The following COL22A1 variants were observed in gnomAD, a reference collection of about 807,000 sequenced individuals.
COL22A1 encodes the protein collagen alpha-1(XXII) chain.
A neutral mutation model predicts 248.9 loss-of-function variants in COL22A1; 221 were observed. The observed-to-expected ratio is 0.89, with a 90% CI of 0.80 to 0.99. The LOEUF (loss-of-function observed/expected upper bound fraction) is 0.99, where lower values mean the gene tolerates loss of function less well. Among genes scored for constraint, COL22A1 ranks in the 50% least tolerant of loss-of-function variants. The probability of loss-of-function intolerance (pLI) is 0.00; values close to 1 mark genes in which losing one functional copy is unlikely to be tolerated. For missense variants in COL22A1, 2,240 were observed against 2,179.0 expected, an observed-to-expected ratio of 1.03 and a Z score of -0.56; for synonymous variants, 891 against 793.4, an observed-to-expected ratio of 1.12 and a Z score of -2.07.
At chr8:138,623,845 G>C in intron 51 of COL22A1, 60 bp from the exon 52 acceptor site, 1 of 1,495,870 alleles carries the variant, frequency 6.7e-7, no homozygotes, top group South Asian at 1.2e-5. Flanking sequence ...ATGGAAAGAC[G>C]AAGGCAGTTT....
intron 1 of COL22A1, among the ~76,000 whole-genome samples, chr8:138,907,358 T>C (rs777261204): frequency 1.2e-4 from 18 of 152,224 alleles, no homozygotes; most frequent in Non-Finnish European, 1.9e-4. Flanking sequence ...TTTTAAATAG[T>C]GTGAGCATTT....
At chr8:138,617,021 G>GGAGGTATGCCTGCC in intron 53 of COL22A1, 63 bp from the exon 54 acceptor site, 2 of 1,577,616 alleles carry the variant, frequency 1.3e-6, no homozygotes, top group Non-Finnish European at 1.7e-6. Context: ...AAGTGGGCAG[G>GGAGGTATGCCTGCC]CATACCTCCC....
At chr8:138,641,195 G>T (rs536670862) in intron 47 of COL22A1, among the ~76,000 whole-genome samples, 2 of 152,320 alleles carry the variant, frequency 1.3e-5, no homozygotes, top group African/African-American at 2.4e-5. Flanking sequence ...GTGGCTCTGG[G>T]TTATTTTCTA....
intron 41 of COL22A1, among the ~76,000 whole-genome samples, chr8:138,664,575 C>T (rs1388084866): frequency 6.6e-6 from 1 of 152,030 alleles, no homozygotes; most frequent in African/African-American, 2.4e-5. Context: ...TGGATAGTCC[C>T]CGCCCCTGTA....
At chr8:138,847,270 A>C (rs143760576) in intron 3 of COL22A1, among the ~76,000 whole-genome samples, 5 of 152,338 alleles carry the variant, frequency 3.3e-5, no homozygotes, top group African/African-American at 1.2e-4. Context: ...GCTGAGAAGT[A>C]AACACTGACT....
chr8:138,875,348 T>C (rs1380930436), intron 3 of COL22A1, among the ~76,000 whole-genome samples: 3 of 152,130 alleles, frequency 2.0e-5, no homozygotes, highest in African/African-American at 4.8e-5. Context: ...TCTGGGGTTG[T>C]CTTTGCCATT....
intron 5 of COL22A1, chr8:138,828,177 T>C (rs187106462): frequency 6.6e-6 from 1 of 152,108 alleles, no homozygotes; most frequent in East Asian, 1.9e-4. Flanking sequence ...CTTTGAAAAC[T>C]GTCAACAGCC....
intron 53 of COL22A1, among the ~76,000 whole-genome samples, chr8:138,619,124 A>G (rs191976992): frequency 1.3e-5 from 2 of 152,306 alleles, no homozygotes; most frequent in Admixed American, 1.3e-4. Context: ...GGGAAAAAAA[A>G]CCTTAGCTAT....
At chr8:138,902,797 G>T (rs962966861) in intron 1 of COL22A1, among the ~76,000 whole-genome samples, 4 of 143,742 alleles carry the variant, frequency 2.8e-5, no homozygotes, top group African/African-American at 1.1e-4. Flanking sequence ...AGAACTGACT[G>T]GGCTGGTCTC....
intron 57 of COL22A1, 92 bp downstream of exon 57, chr8:138,607,844 T>G (rs1818546571): frequency 6.2e-6 from 8 of 1,281,424 alleles, no homozygotes; most frequent in Non-Finnish European, 8.9e-6. Context: ...CCGATGCTTC[T>G]AGGGACAGAG....
At chr8:138,596,870 C>G in intron 62 of COL22A1, 34 bp downstream of exon 62, 1 of 1,600,320 alleles carries the variant, frequency 6.2e-7, no homozygotes, top group African/African-American at 1.3e-5. Context: ...CTGGGCTCTT[C>G]TCTGCAAGAC....
intron 3 of COL22A1, among the ~76,000 whole-genome samples, chr8:138,870,680 T>A (rs1335498057): frequency 6.6e-6 from 1 of 151,902 alleles, no homozygotes; most frequent in African/African-American, 2.4e-5. Flanking sequence ...TGTATTTGCA[T>A]GTGGTGTGTG....
At chr8:138,606,603 A>T (rs558245746) in intron 57 of COL22A1, 151 bp from the exon 58 acceptor site, 549 of 745,762 alleles carry the variant, frequency 7.4e-4, no homozygotes, top group Non-Finnish European at 1.0e-3. Context: ...GGTTAGGAAA[A>T]GACACGGGGT....
chr8:138,847,461 A>G (rs1821326699), intron 3 of COL22A1, among the ~76,000 whole-genome samples: 1 of 152,182 alleles, frequency 6.6e-6, no homozygotes, highest in African/African-American at 2.4e-5. Flanking sequence ...AGAAAGACAG[A>G]GTTTTCAGCC....
In COL22A1 at chr8:138,685,263, T is replaced by C. The variant is rs1466561035; in HGVS notation, c.2912A>G (p.Asp971Gly). ...CCCAGGGAGCCCAGGAGCACCAGGATCTCCCCTGGGACCAACTGGCCCTGG... is the reference window on the plus strand; with the variant it reads ...CCCAGGGAGCCCAGGAGCACCAGGACCTCCCCTGGGACCAACTGGCCCTGG... ...GSPGPVGPRGDPGAPGLPGPP... is the reference protein window; with the variant it reads ...GSPGPVGPRGGPGAPGLPGPP... Residue 971 changes from aspartate to glycine, a missense_variant, in exon 38 of 65, where the codon GAT (aspartate) becomes GGT (glycine). Transcript: ENST00000303045. 3.7e-6 allele frequency: 6 copies of C among 1,613,836 alleles called. No individual in the cohort carries two copies. Among genetic ancestry groups the C allele is most frequent in the South Asian group, 1.1e-5 (1 of 91,038 alleles).
At chr8:138,602,655 G>C (rs1043990433) in intron 59 of COL22A1, among the ~76,000 whole-genome samples, 5 of 152,048 alleles carry the variant, frequency 3.3e-5, no homozygotes, top group African/African-American at 1.2e-4. Flanking sequence ...GAAGCCCCCC[G>C]ATCACCCAAC....
At chr8:138,670,506 A>G (rs4369035) in intron 41 of COL22A1, among the ~76,000 whole-genome samples, 101,627 of 152,014 alleles carry the variant, frequency 0.67, 34,622 homozygotes, top group Middle Eastern at 0.74. Context: ...CACACCTAAC[A>G]GAATCTAGCC....
chr8:138,803,337 T>C (rs947546090), intron 10 of COL22A1, among the ~76,000 whole-genome samples: 1 of 152,028 alleles, frequency 6.6e-6, no homozygotes, highest in African/African-American at 2.4e-5. Context: ...AGGCACGTCA[T>C]CACGCAGGCA....
At chr8:138,603,064 T>C (rs1009915217) in intron 59 of COL22A1, among the ~76,000 whole-genome samples, 1 of 152,200 alleles carries the variant, frequency 6.6e-6, no homozygotes, top group South Asian at 2.1e-4. Flanking sequence ...CTACATTGAT[T>C]AAAGAGAAGA....
Sources: gnomAD v4.1 joint callset for allele counts (sites outside exome capture counted in the v4.1 genomes callset) on GRCh38, gnomAD v4.1.1 for gene constraint, MANE v1.5 for transcripts, NCBI Gene and HGNC (gene_info 2026-07-23, HGNC 2026-07-21) for gene names.